Variants in ROR2 observed in about 807,000 individuals in gnomAD.
The protein encoded by ROR2 is tyrosine-protein kinase transmembrane receptor ROR2.
A neutral mutation model predicts 74.9 loss-of-function variants in ROR2; 33 were observed. The observed-to-expected ratio is 0.44, with a 90% CI of 0.33 to 0.59. The LOEUF (loss-of-function observed/expected upper bound fraction) is 0.59, where lower values mean the gene tolerates loss of function less well. ROR2 is among the 20% of genes least tolerant of loss of function. ROR2 has a pLI of 0.02. For synonymous variants in ROR2, 586 were observed against 558.7 expected, an observed-to-expected ratio of 1.05 and a Z score of -0.69; for missense variants, 1,216 against 1,313.8, an observed-to-expected ratio of 0.93 and a Z score of 1.15.
At chr9:91,767,891 C>A (rs1826108891) in intron 2 of ROR2, among the ~76,000 whole-genome samples, 1 of 152,224 alleles carries the variant, frequency 6.6e-6, no homozygotes, top group South Asian at 2.1e-4. Flanking sequence ...ATGCTGAAGT[C>A]CTCATCCCCG....
chr9:91,740,856 C>T (rs1825211496), intron 4 of ROR2, among the ~76,000 whole-genome samples: 1 of 152,030 alleles, frequency 6.6e-6, no homozygotes, highest in African/African-American at 2.4e-5. Flanking sequence ...ACATGCTCAC[C>T]AGCTGGTGGA....
rs1306032318 is a variant in ROR2, at chr9:91,905,562, CACAA to C, written c.97+44301_97+44304del. ...ATACACAGACACAATACAACACATA[CACAA>C]ACATACAACACATACACAAACATCA... On this transcript the variant is annotated intron_variant, in intron 1 of 8. Transcript: ENST00000375708. The surrounding 1 kb of genome is among the most constrained non-coding windows in gnomAD (Gnocchi z 5.3). Among the ~76,000 whole-genome samples the C allele has an allele frequency of 2.0e-5, 3 of 148,070 alleles. No individual in the cohort carries two copies. Among genetic ancestry groups the C allele is most frequent in the Non-Finnish European group, 4.4e-5 (3 of 67,840 alleles).
intron 1 of ROR2, among the ~76,000 whole-genome samples, chr9:91,893,307 G>A (rs1830467925): frequency 6.6e-6 from 1 of 152,104 alleles, no homozygotes; most frequent in Non-Finnish European, 1.5e-5. Flanking sequence ...GGGTGTGGTG[G>A]TACACGCCTG....
In ROR2 at chr9:91,729,814, T is replaced by C. The variant is rs114377054; in HGVS notation, c.1183+1096A>G. 8.9e-3 allele frequency among the ~76,000 whole-genome samples: 1,358 copies of C among 152,254 alleles called. 20 individuals carry two copies. The highest frequency in any genetic ancestry group is 0.031 in the African/African-American group (1,287 of 41,534). On this transcript the variant is annotated intron_variant, in intron 7 of 8. Coordinates refer to ENST00000375708, the MANE Select transcript of ROR2 (RefSeq NM_004560.4). ...ACATTACAGACACACTTGCAAGGAA[T>C]GAGGACAAGCAATGAATTCTATTTT...
At chr9:91,778,143 T>C (rs1251333104) in intron 1 of ROR2, among the ~76,000 whole-genome samples, 9 of 152,230 alleles carry the variant, frequency 5.9e-5, no homozygotes, top group Non-Finnish European at 8.8e-5. Flanking sequence ...TCACTCCTGC[T>C]GCACACAAGC....
intron 1 of ROR2, among the ~76,000 whole-genome samples, chr9:91,826,409 A>C (rs746808958): frequency 2.0e-5 from 3 of 152,198 alleles, no homozygotes; most frequent in Non-Finnish European, 4.4e-5. Context: ...ACAACAACAA[A>C]AAGAAATATA....
At chr9:91,777,043 C>T (rs761058346) in intron 1 of ROR2, among the ~76,000 whole-genome samples, 9 of 152,176 alleles carry the variant, frequency 5.9e-5, no homozygotes, top group Admixed American at 3.3e-4. Flanking sequence ...TTAATAAACT[C>T]AGCATGTCCA....
At chr9:91,899,679 C>A (rs1830622673) in intron 1 of ROR2, among the ~76,000 whole-genome samples, 1 of 152,066 alleles carries the variant, frequency 6.6e-6, no homozygotes, top group East Asian at 1.9e-4. Context: ...CTCAGAGTTC[C>A]CCACGCTCTG....
chr9:91,766,567 T>C (rs1826065716), intron 2 of ROR2, among the ~76,000 whole-genome samples: 1 of 152,178 alleles, frequency 6.6e-6, no homozygotes, highest in Non-Finnish European at 1.5e-5. Context: ...GAAAGAAAGC[T>C]CTCTAGAGAT....
At chr9:91,948,918 G>A (rs1247490838) in intron 1 of ROR2, 2 of 985,150 alleles carry the variant, frequency 2.0e-6, no homozygotes, top group East Asian at 2.3e-4. Context: ...AGTCTGCACC[G>A]CCAGAGCTAA....
chr9:91,909,838 GTTTGTTTTGT>G (rs1414808218), intron 1 of ROR2, among the ~76,000 whole-genome samples: 2 of 63,198 alleles, frequency 3.2e-5, no homozygotes, highest in South Asian at 1.3e-3. Flanking sequence ...TTTTTTTTAG[GTTTGTTTTGT>G]TTTTTTTTTT....
At chr9:91,811,049 C>G (rs1214866519) in intron 1 of ROR2, among the ~76,000 whole-genome samples, 1 of 152,260 alleles carries the variant, frequency 6.6e-6, no homozygotes, top group Non-Finnish European at 1.5e-5. Flanking sequence ...TGGGAATTCC[C>G]CCTCTCTTCG....
At chr9:91,915,580 G>A (rs1474408360) in intron 1 of ROR2, among the ~76,000 whole-genome samples, 5 of 149,214 alleles carry the variant, frequency 3.4e-5, no homozygotes, top group African/African-American at 4.9e-5. Context: ...TGTGAAGAGC[G>A]AAAGAACAAA....
At chr9:91,876,723 AAAG>A (rs1164855180) in intron 1 of ROR2, among the ~76,000 whole-genome samples, 1 of 152,220 alleles carries the variant, frequency 6.6e-6, no homozygotes, top group Non-Finnish European at 1.5e-5. Flanking sequence ...AAAAAATAGA[AAAG>A]AAGGTATTGA....
At position 91,724,306 on chromosome 9, in the gene ROR2, T is replaced by C; in HGVS notation, c.2188A>G (p.Asn730Asp). The stretch of plus-strand genomic sequence containing the variant: ...CGGGGCCGCCGGCTGGGGAACTCGT[T>C]CCAGCACTCGATCATGAGGGCATAC... ...WVYALMIECW[N>D]EFPSRRPRFK... The change falls in exon 9 of 9, where the codon AAC becomes GAC. Residue 730 changes from asparagine (N) to aspartate (D), a missense_variant. Coordinates refer to ENST00000375708, the MANE Select transcript of ROR2 (RefSeq NM_004560.4). 1 of 1,613,154 alleles carries C rather than the reference T, an allele frequency of 6.2e-7. No individual in the cohort carries two copies.
rs1251447286 is a variant in ROR2, at chr9:91,950,199, G to C, written c.-236C>G. On this transcript the variant is annotated 5_prime_UTR_variant, in exon 1 of 9. Coordinates refer to ENST00000375708, the MANE Select transcript of ROR2 (RefSeq NM_004560.4). Reference sequence around the variant, plus strand: ...TTGGCGCGGGCTGGGGCGTCCCGCCGGCCGCCAGGACGAGCGCGGGGGGCG... The same window carrying C: ...TTGGCGCGGGCTGGGGCGTCCCGCCCGCCGCCAGGACGAGCGCGGGGGGCG... The C allele has an allele frequency of 1.1e-5, 3 of 273,852 alleles. No homozygotes were observed. The highest frequency in any genetic ancestry group is 2.0e-5 in the Non-Finnish European group (3 of 147,904). The allele number at this position is 273,852 out of a possible 1,614,324, so 17.0% of individuals were successfully genotyped here.
intron 1 of ROR2, among the ~76,000 whole-genome samples, chr9:91,871,135 T>C (rs1347751200): frequency 2.0e-5 from 3 of 152,346 alleles, no homozygotes; most frequent in Middle Eastern, 3.4e-3. Flanking sequence ...GGATGTTCTG[T>C]CCCATCCTGT....
chr9:91,929,354 T>G (rs2117940494), intron 1 of ROR2, among the ~76,000 whole-genome samples: 1 of 152,160 alleles, frequency 6.6e-6, no homozygotes, highest in South Asian at 2.1e-4. Context: ...AGAGGAAAAT[T>G]TAAAAGCTCC....
chr9:91,763,170 G>A (rs7860482), intron 2 of ROR2, among the ~76,000 whole-genome samples: 19,363 of 152,138 alleles, frequency 0.13, 1,428 homozygotes, highest in African/African-American at 0.19. Context: ...CAGGGCCTAC[G>A]GGAGGACTGA....
Sources: allele counts gnomAD v4.1 joint callset (sites outside exome capture counted in the v4.1 genomes callset), GRCh38; gene constraint gnomAD v4.1.1; non-coding constraint Gnocchi (gnomAD v3.1); transcripts MANE v1.5; gene names NCBI Gene and HGNC (gene_info 2026-07-23, HGNC 2026-07-21).